The following NWD2 variants were observed in gnomAD, a reference collection of about 807,000 sequenced individuals.
NWD2 encodes the protein NACHT and WD repeat domain-containing protein 2.
In NWD2, 37 loss-of-function variants were observed where a neutral mutation model predicts 132.7. That is an observed-to-expected ratio of 0.28 (90% confidence interval 0.21 to 0.37). The LOEUF (loss-of-function observed/expected upper bound fraction) is 0.37, where lower values mean the gene tolerates loss of function less well. Ranked by LOEUF, NWD2 falls within the 10% of genes least tolerant of loss-of-function variation. NWD2 has a pLI of 1.00. For synonymous variants in NWD2, 705 were observed against 803.0 expected (o/e 0.88, Z 2.06); for missense variants, 1,592 against 2,122.4 (o/e 0.75, Z 4.91).
intron 3 of NWD2, among the ~76,000 whole-genome samples, chr4:37,373,723 TGGA>T (rs1042951298): frequency 1.8e-4 from 27 of 152,122 alleles, no homozygotes; most frequent in African/African-American, 6.3e-4. Flanking sequence ...CAGCAACAGA[TGGA>T]GAAGAAGAGC....
At chr4:37,376,854 T>G (rs1720358078) in intron 3 of NWD2, among the ~76,000 whole-genome samples, 1 of 152,180 alleles carries the variant, frequency 6.6e-6, no homozygotes, top group South Asian at 2.1e-4. Flanking sequence ...CACAATATAT[T>G]GTGAATTCTC....
rs1391047563 is a variant in NWD2 at position 37,446,687 on chromosome 4, A to G, written c.4699A>G (p.Ile1567Val). 3.2e-6 allele frequency: 5 copies of G among 1,551,462 alleles called. No homozygotes were observed. Among genetic ancestry groups the G allele is most frequent in the African/African-American group, 2.7e-5 (2 of 73,010 alleles). ...GCGGGTGGTTCACGCCTCTGGGATCATCTGGCGGCAGAGGTTGTCTCGGGA... is the reference window on the plus strand; with the variant it reads ...GCGGGTGGTTCACGCCTCTGGGATCGTCTGGCGGCAGAGGTTGTCTCGGGA... Reference protein sequence around the residue: ...KLRVVHASGIIWRQRLSRDGR... With the variant: ...KLRVVHASGIVWRQRLSRDGR... The change falls in exon 7 of 7, where the codon ATC (isoleucine) becomes GTC (valine). Residue 1567 changes from isoleucine (I) to valine (V), a missense_variant. Physicochemically the swap from Ile to Val is conservative, Grantham distance 29 (BLOSUM62 3). Coordinates refer to ENST00000309447, the MANE Select transcript of NWD2 (RefSeq NM_001144990.2). The surrounding 1 kb of genome is among the most constrained non-coding windows in gnomAD (Gnocchi z 6.7).
chr4:37,385,863 A>G (rs534321446), intron 3 of NWD2, among the ~76,000 whole-genome samples: 36 of 152,348 alleles, frequency 2.4e-4, no homozygotes, highest in African/African-American at 7.5e-4. Flanking sequence ...ACATGCCAGG[A>G]ATTCTAAGTA....
Position 37,402,633 on chromosome 4 carries a change from A to T in NWD2, c.358-27939A>T, listed in dbSNP as rs1033813939. On this transcript the variant is annotated intron_variant, in intron 3 of 6. Transcript: ENST00000309447. ...ATTGAATTATTATTTTGAAGTTCTC[A>T]TATGAAGAAGGCATTTATGTGTGTA... 3.9e-5 allele frequency among the ~76,000 whole-genome samples: 6 copies of T among 152,320 alleles called. No homozygotes were observed. The South Asian group carries it at 8.3e-4, about 21-fold the overall frequency.
At chr4:37,384,991 C>T (rs1305769962) in intron 3 of NWD2, among the ~76,000 whole-genome samples, 1 of 152,144 alleles carries the variant, frequency 6.6e-6, no homozygotes, top group Non-Finnish European at 1.5e-5. Context: ...TTGATCATTA[C>T]ACAATGTATA....
intron 3 of NWD2, among the ~76,000 whole-genome samples, chr4:37,388,476 G>C (rs1451866799): frequency 1.3e-5 from 2 of 151,938 alleles, no homozygotes; most frequent in East Asian, 3.9e-4. Context: ...GAGCCACCAC[G>C]CCTAGCCGAC....
At chr4:37,326,384 C>T (rs1719173083) in intron 2 of NWD2, among the ~76,000 whole-genome samples, 1 of 152,114 alleles carries the variant, frequency 6.6e-6, no homozygotes, top group Non-Finnish European at 1.5e-5. Context: ...TGGGGACCAA[C>T]TTTTTTCAAA....
intron 2 of NWD2, among the ~76,000 whole-genome samples, chr4:37,350,296 T>C (rs1474928992): frequency 1.3e-5 from 2 of 152,352 alleles, no homozygotes; most frequent in South Asian, 2.1e-4. Context: ...TTTCACGATA[T>C]TGATTCTTCC....
chr4:37,423,664 A>G (rs1224383873), intron 3 of NWD2, among the ~76,000 whole-genome samples: 2 of 152,198 alleles, frequency 1.3e-5, no homozygotes, highest in Non-Finnish European at 2.9e-5. Flanking sequence ...CCAGTTGGGA[A>G]GGGCCATCTG....
At chr4:37,346,081 CAAAAAAAAAA>C (rs1198830447) in intron 2 of NWD2, among the ~76,000 whole-genome samples, 1 of 92,186 alleles carries the variant, frequency 1.1e-5, no homozygotes, top group African/African-American at 3.6e-5. Context: ...TACTCTGTCT[CAAAAAAAAAA>C]AAAAAAAACC....
At chr4:37,267,945 C>G (rs1379526955) in intron 1 of NWD2, among the ~76,000 whole-genome samples, 1 of 151,932 alleles carries the variant, frequency 6.6e-6, no homozygotes, top group East Asian at 1.9e-4. Flanking sequence ...CTGACTGATT[C>G]CTCATACATT....
rs1288340743 is a variant in NWD2 at position 37,443,312 on chromosome 4, G to A, written c.1324G>A (p.Gly442Arg). 1 of 1,550,966 alleles carries A rather than the reference G, an allele frequency of 6.4e-7. No homozygotes were observed. The highest frequency in any genetic ancestry group is 8.7e-7 in the Non-Finnish European group (1 of 1,146,358). Residue 442 changes from glycine to arginine, a missense_variant, in exon 7 of 7, where the codon GGA (glycine) becomes AGA (arginine). Physicochemically the swap from Gly to Arg is moderately radical, Grantham distance 125 (BLOSUM62 -2). This residue lies in a region of NWD2 where 1,071 missense variants were observed against 1,398.0 expected (regional missense o/e 0.77). Transcript: ENST00000309447. This position sits in a 1 kb window ranked among gnomAD's most constrained non-coding sequence, Gnocchi z 4.1. ...KAYGWLHEDT[G>R]PESDPVVIVR... Reference sequence around the variant, plus strand: ...TTATGGCTGGCTACATGAGGACACAGGACCAGAATCTGACCCAGTAGTCAT... The same window carrying A: ...TTATGGCTGGCTACATGAGGACACAAGACCAGAATCTGACCCAGTAGTCAT...
Position 37,430,697 on chromosome 4 carries a change from C to G in NWD2, c.483C>G (p.Tyr161Ter). ...KLETKLLEEW[Y>*]CRDENSVPAA... The stretch of plus-strand genomic sequence containing the variant: ...AGACCAAGTTGCTGGAGGAGTGGTA[C>G]TGTCGAGATGAGAACTCGGTGCCAG... The change falls in exon 4 of 7, where the codon TAC becomes TAG. Residue 161 changes from tyrosine (Y) to a stop codon, truncating the protein, a stop_gained. Coordinates refer to ENST00000309447, the MANE Select transcript of NWD2 (RefSeq NM_001144990.2). LOFTEE classifies it high-confidence loss of function. 1 of 1,551,574 alleles carries G rather than the reference C, an allele frequency of 6.4e-7. No homozygotes were observed. The highest frequency in any genetic ancestry group is 8.7e-7 in the Non-Finnish European group (1 of 1,146,838).
At chr4:37,384,080 T>TG (rs1221224812) in intron 3 of NWD2, among the ~76,000 whole-genome samples, 1 of 152,214 alleles carries the variant, frequency 6.6e-6, no homozygotes, top group Non-Finnish European at 1.5e-5. Context: ...AAGCCTCACA[T>TG]GCATTAGCTG....
chr4:37,259,390 A>G (rs1335097422), intron 1 of NWD2, among the ~76,000 whole-genome samples: 1 of 152,244 alleles, frequency 6.6e-6, no homozygotes, highest in Non-Finnish European at 1.5e-5. Context: ...CAGTATTATT[A>G]GCATTTAATA....
chr4:37,308,717 C>T (rs1718766350), intron 1 of NWD2, among the ~76,000 whole-genome samples: 1 of 152,136 alleles, frequency 6.6e-6, no homozygotes, highest in Non-Finnish European at 1.5e-5. Flanking sequence ...GGCAGCAATT[C>T]TCAGGTGAGC....
At chr4:37,391,814 C>A (rs184293059) in intron 3 of NWD2, among the ~76,000 whole-genome samples, 159 of 152,288 alleles carry the variant, frequency 1.0e-3, no homozygotes, top group Admixed American at 4.2e-3. Context: ...CGCTGTCTTC[C>A]CCCAGCTATA....
At chr4:37,422,970 A>G (rs763799151) in intron 3 of NWD2, among the ~76,000 whole-genome samples, 4 of 148,752 alleles carry the variant, frequency 2.7e-5, no homozygotes, top group Middle Eastern at 3.6e-3. Context: ...CTGTGTACAC[A>G]TTGTAGGAAA....
At chr4:37,401,928 A>G (rs991783861) in intron 3 of NWD2, among the ~76,000 whole-genome samples, 1 of 152,186 alleles carries the variant, frequency 6.6e-6, no homozygotes, top group African/African-American at 2.4e-5. Context: ...CTATGGTTTG[A>G]GTGGACCCTC....
Sources: gnomAD v4.1 joint callset for allele counts (sites outside exome capture counted in the v4.1 genomes callset) on GRCh38, gnomAD v4.1.1 for gene constraint, gnomAD v4.1.1 regional missense constraint, Gnocchi (gnomAD v3.1) non-coding constraint, MANE v1.5 for transcripts, NCBI Gene and HGNC (gene_info 2026-07-23, HGNC 2026-07-21) for gene names.